Variants in OR2L13 observed in about 807,000 individuals in gnomAD.
OR2L13 encodes olfactory receptor 2L13.
In OR2L13, 14 loss-of-function variants were observed where a neutral mutation model predicts 15.3. The observed-to-expected ratio is 0.91, with a 90% CI of 0.60 to 1.43. The LOEUF (loss-of-function observed/expected upper bound fraction) is 1.43. Ranked by LOEUF, OR2L13 falls within the 40% of genes most tolerant of loss-of-function variation. The pLI, the probability that OR2L13 is intolerant of heterozygous loss-of-function variation, is 0.00. For synonymous variants in OR2L13, 152 were observed against 142.9 expected, an observed-to-expected ratio of 1.06 and a Z score of -0.45; for missense variants, 367 against 387.9, an observed-to-expected ratio of 0.95 and a Z score of 0.45.
chr1:247,951,992 TGCGC>T, the OR2L13 span, among the ~76,000 whole-genome samples: 2 of 151,840 alleles, frequency 1.3e-5, no homozygotes, highest in Non-Finnish European at 2.9e-5. Flanking sequence ...TGTGTGTGTG[TGCGC>T]GCGTGCGCGC....
chr1:248,018,533 A>G, the OR2L13 span, among the ~76,000 whole-genome samples: 1 of 152,218 alleles, frequency 6.6e-6, no homozygotes, highest in South Asian at 2.1e-4. Context: ...CAGAGGTCAT[A>G]AAATAATTGC....
upstream of OR2L13, among the ~76,000 whole-genome samples, chr1:248,096,081 A>G (rs1664732241): frequency 6.6e-6 from 1 of 152,030 alleles, no homozygotes; most frequent in Non-Finnish European, 1.5e-5. Flanking sequence ...TTCCATAACA[A>G]ATTGAAAAAG....
the OR2L13 span, among the ~76,000 whole-genome samples, chr1:248,016,782 TATG>T: frequency 6.6e-6 from 1 of 151,980 alleles, no homozygotes; most frequent in African/African-American, 2.4e-5. Context: ...TATATAAACT[TATG>T]TATGTATGTG....
the OR2L13 span, among the ~76,000 whole-genome samples, chr1:247,955,699 GTGA>G: frequency 2.1e-5 from 1 of 47,292 alleles, no homozygotes; most frequent in Non-Finnish European, 1.4e-4. Context: ...CTGATGGCCA[GTGA>G]TGATGAGCAT....
At chr1:248,082,354 TG>T in the OR2L13 span, among the ~76,000 whole-genome samples, 1 of 1,446 alleles carries the variant, frequency 6.9e-4, no homozygotes, top group Non-Finnish European at 1.5e-3. Flanking sequence ...GGGTGGGGGG[TG>T]GGGGGAGGGG....
At chr1:248,005,808 C>G in the OR2L13 span, among the ~76,000 whole-genome samples, 101 of 152,102 alleles carry the variant, frequency 6.6e-4, 1 homozygote, top group Non-Finnish European at 1.3e-4. Flanking sequence ...TTTGAAATGT[C>G]ATTTCTATTT....
chr1:248,095,660 G>A (rs1664721438), upstream of OR2L13, among the ~76,000 whole-genome samples: 2 of 96,756 alleles, frequency 2.1e-5, no homozygotes, highest in African/African-American at 3.7e-5. Context: ...AGGCTGGAGT[G>A]CAGGGTCACG....
At chr1:247,978,665 A>G in the OR2L13 span, among the ~76,000 whole-genome samples, 106 of 152,134 alleles carry the variant, frequency 7.0e-4, 1 homozygote, top group Admixed American at 3.7e-3. Context: ...AGTTGTGGCT[A>G]CTCTATGCTT....
the OR2L13 span, among the ~76,000 whole-genome samples, chr1:247,945,051 C>T: frequency 6.6e-6 from 1 of 151,458 alleles, no homozygotes; most frequent in Non-Finnish European, 1.5e-5. Flanking sequence ...TTTGCTAGCT[C>T]TGGGGTTTGT....
chr1:248,080,547 G>A, the OR2L13 span, among the ~76,000 whole-genome samples: 1 of 152,132 alleles, frequency 6.6e-6, no homozygotes, highest in Non-Finnish European at 1.5e-5. Context: ...CTGTTCCTGT[G>A]TTAGTTTCCT....
the OR2L13 span, chr1:247,975,234 C>T: frequency 2.5e-6 from 1 of 408,082 alleles, no homozygotes; most frequent in South Asian, 2.1e-5. Context: ...GCCCCATATC[C>T]CTGTTGCTCA....
the OR2L13 span, among the ~76,000 whole-genome samples, chr1:248,009,648 A>C: frequency 6.6e-6 from 1 of 152,134 alleles, no homozygotes; most frequent in African/African-American, 2.4e-5. Flanking sequence ...ATTGAAAAAG[A>C]GGGACCCCTC....
chr1:248,084,098 A>C, the OR2L13 span: 93 of 1,611,594 alleles, frequency 5.8e-5, no homozygotes, highest in African/African-American at 5.8e-4. Flanking sequence ...GTGCACCGCA[A>C]TATGGGAAGC....
the OR2L13 span, chr1:248,022,804 C>T: frequency 6.2e-6 from 10 of 1,613,720 alleles, no homozygotes; most frequent in Non-Finnish European, 8.5e-6. Flanking sequence ...ATGCTCAACC[C>T]CATCATCTAC....
At chr1:248,079,502 C>G in the OR2L13 span, among the ~76,000 whole-genome samples, 2 of 151,620 alleles carry the variant, frequency 1.3e-5, no homozygotes, top group African/African-American at 2.4e-5. Context: ...AACTTGAAAA[C>G]AAAAAGAAAG....
chr1:247,989,408 G>A, the OR2L13 span, among the ~76,000 whole-genome samples: 1 of 152,086 alleles, frequency 6.6e-6, no homozygotes, highest in Non-Finnish European at 1.5e-5. Flanking sequence ...CATAACATAT[G>A]CATAAAATTT....
At chr1:247,979,902 C>G in the OR2L13 span, among the ~76,000 whole-genome samples, 3 of 151,574 alleles carry the variant, frequency 2.0e-5, no homozygotes, top group African/African-American at 7.3e-5. Context: ...GTTTGATTTT[C>G]AGGAAATTTT....
chr1:248,067,773 A>G, the OR2L13 span, among the ~76,000 whole-genome samples: 1 of 152,190 alleles, frequency 6.6e-6, no homozygotes. Context: ...GCACCTGGAA[A>G]ATCGGGCCAC....
At chr1:247,992,866 A>AT in the OR2L13 span, among the ~76,000 whole-genome samples, 1 of 144,848 alleles carries the variant, frequency 6.9e-6, no homozygotes, top group Non-Finnish European at 1.5e-5. Flanking sequence ...TGGTAGAATG[A>AT]TTTTGTGTGT....
Sources: gnomAD v4.1 joint callset for allele counts (sites outside exome capture counted in the v4.1 genomes callset) on GRCh38, gnomAD v4.1.1 for gene constraint, MANE v1.5 for transcripts, NCBI Gene and HGNC (gene_info 2026-07-23, HGNC 2026-07-21) for gene names.